NPHS2: variants seen among roughly 807,000 people sequenced by gnomAD.
The protein encoded by NPHS2 is NPHS2 stomatin family member, podocin.
NPHS2 carries 36 observed loss-of-function variants against 37.1 expected under a neutral mutation model. That is an observed-to-expected ratio of 0.97 (90% CI 0.74 to 1.28). The LOEUF is 1.28. Among genes scored for constraint, NPHS2 ranks in the 50% most tolerant of loss-of-function variants. The pLI, the probability that NPHS2 is intolerant of heterozygous loss-of-function variation, is 0.00. For synonymous variants in NPHS2, 196 were observed against 189.3 expected (o/e 1.04, Z -0.29); for missense variants, 447 against 488.1 (o/e 0.92, Z 0.79).
At chr1:179,564,043 C>G (rs1674246178) in intron 2 of NPHS2, among the ~76,000 whole-genome samples, 1 of 152,242 alleles carries the variant, frequency 6.6e-6, no homozygotes, top group South Asian at 2.1e-4. Context: ...CTGGCCAATG[C>G]TTTCTCAGAG....
chr1:179,568,537 T>G (rs929285634), intron 1 of NPHS2, among the ~76,000 whole-genome samples: 2 of 152,212 alleles, frequency 1.3e-5, no homozygotes, highest in Non-Finnish European at 2.9e-5. Flanking sequence ...GGTTTTTTTC[T>G]GTCTCTATCT....
At chr1:179,564,191 A>G (rs4652415) in intron 2 of NPHS2, among the ~76,000 whole-genome samples, 151,988 of 152,354 alleles carry the variant, frequency 1, 75,816 homozygotes, top group Middle Eastern at 1. Context: ...CACAGGCAAT[A>G]TCTCCCAATA....
At chr1:179,571,005 G>A (rs112367886) in intron 1 of NPHS2, among the ~76,000 whole-genome samples, 51 of 152,216 alleles carry the variant, frequency 3.4e-4, no homozygotes, top group African/African-American at 9.1e-4. Flanking sequence ...CGATGGGTTC[G>A]AACATCCTCC....
chr1:179,562,298 A>C (rs1223698095), intron 2 of NPHS2, among the ~76,000 whole-genome samples: 1 of 152,220 alleles, frequency 6.6e-6, no homozygotes, highest in Non-Finnish European at 1.5e-5. Context: ...TCAGAATCTG[A>C]GTTCAATTGC....
intron 2 of NPHS2, among the ~76,000 whole-genome samples, chr1:179,562,087 G>A (rs573477128): frequency 5.3e-5 from 8 of 152,274 alleles, no homozygotes; most frequent in Admixed American, 1.3e-4. Flanking sequence ...GATTACAGGC[G>A]TGAGCCACCG....
At position 179,575,706 on chromosome 1, in the gene NPHS2, G is replaced by C. The variant is rs1436624811; in HGVS notation, c.159C>G (p.Thr53=). Residue 53 remains threonine, a synonymous_variant, in exon 1 of 8, where the codon ACC becomes ACG. Transcript: ENST00000367615. The part of the protein sequence containing the change: ...PEPSGSGRAG[T]PGEPRAPAAT... Reference sequence around the variant, plus strand: ...CGGCGGGCGCTCGGGGCTCCCCCGGGGTCCCCGCCCGTCCGGAGCCCGACG... The same window carrying C: ...CGGCGGGCGCTCGGGGCTCCCCCGGCGTCCCCGCCCGTCCGGAGCCCGACG... 1 of 1,570,096 alleles carries C rather than the reference G, an allele frequency of 6.4e-7. No homozygotes were observed. The highest frequency in any genetic ancestry group is 8.6e-7 in the Non-Finnish European group (1 of 1,163,518).
intron 7 of NPHS2, 122 bp from the exon 8 acceptor site, chr1:179,551,573 T>G (rs1673290738): frequency 1.8e-6 from 2 of 1,107,510 alleles, no homozygotes. Context: ...CGGTTAAGCA[T>G]AGAACATGTT....
chr1:179,575,532 A>G (rs1052607271), intron 1 of NPHS2, 59 bp downstream of exon 1: 9 of 1,595,302 alleles, frequency 5.6e-6, no homozygotes, highest in African/African-American at 2.7e-5. Context: ...TTTCCACCTT[A>G]TCTGACGCCC....
rs922034157 is a variant in NPHS2, at chr1:179,561,445, T to A, written c.379-84A>T. 22 of 1,069,838 alleles carry A rather than the reference T, an allele frequency of 2.1e-5. No individual in the cohort carries two copies. In the Admixed American group the frequency reaches 4.7e-4, roughly 23 times the overall value. The allele number at this position is 1,069,838 out of a possible 1,614,324, so 66.3% of individuals were successfully genotyped here. ...CTTGGCATAAGAATGATCCTAGATA[T>A]CAGAAATTTTTTGTTTTGAGAACCA... On this transcript the variant is annotated intron_variant, in intron 2 of 7. Coordinates refer to ENST00000367615, the MANE Select transcript of NPHS2 (RefSeq NM_014625.4).
At chr1:179,564,643 G>A in intron 2 of NPHS2, 47 bp downstream of exon 2, 1 of 1,478,852 alleles carries the variant, frequency 6.8e-7, no homozygotes, top group Non-Finnish European at 9.5e-7. Flanking sequence ...GGTGTGGCCA[G>A]TGAGAGGCCT....
At chr1:179,572,336 G>A (rs367699776) in intron 1 of NPHS2, among the ~76,000 whole-genome samples, 1 of 152,064 alleles carries the variant, frequency 6.6e-6, no homozygotes, top group African/African-American at 2.4e-5. Context: ...GATCTCAATA[G>A]TCTTTGAAAA....
At position 179,572,689 on chromosome 1, in the gene NPHS2, C is replaced by T. The variant is rs147045574; in HGVS notation, c.274+2902G>A. Among the ~76,000 whole-genome samples the T allele has an allele frequency of 2.6e-5, 4 of 152,274 alleles. No homozygotes were observed. The East Asian group carries it at 5.8e-4, about 22-fold the overall frequency. The stretch of plus-strand genomic sequence containing the variant: ...ATATTATTTGCCAGTTTAAAAAGAT[C>T]GTAGAGGACTAGAAGGTGACTAAAA... On this transcript the variant is annotated intron_variant, in intron 1 of 7. Coordinates refer to ENST00000367615, the MANE Select transcript of NPHS2 (RefSeq NM_014625.4).
intron 1 of NPHS2, among the ~76,000 whole-genome samples, chr1:179,572,648 A>G (rs2101883272): frequency 6.6e-6 from 1 of 152,370 alleles, no homozygotes; most frequent in Non-Finnish European, 1.5e-5. Context: ...CAGGTACTAG[A>G]AAACTTACTA....
At position 179,557,070 on chromosome 1, in the gene NPHS2, G is replaced by A. The variant is rs774199987; in HGVS notation, c.695C>T (p.Thr232Ile). The A allele has an allele frequency of 9.9e-6, 16 of 1,613,912 alleles. No homozygotes were observed. The highest frequency in any genetic ancestry group is 3.3e-4 in the Middle Eastern group (2 of 6,082). ...GCTCTTCCTCTCTAGAAGAATTTCA[G>A]TGAGGGATCGATGTGCTAGGAGACG... is the stretch of plus-strand genomic sequence containing the variant. Reference protein sequence around the residue: ...MKRLLAHRSLTEILLERKSIA... With the variant: ...MKRLLAHRSLIEILLERKSIA... Residue 232 changes from threonine to isoleucine, a missense_variant, in exon 5 of 8, where the codon ACT (threonine) becomes ATT (isoleucine). Thr to Ile is a moderately conservative substitution (Grantham distance 89). Coordinates refer to ENST00000367615, the MANE Select transcript of NPHS2 (RefSeq NM_014625.4).
intron 1 of NPHS2, among the ~76,000 whole-genome samples, chr1:179,574,106 C>G (rs1309547394): frequency 6.6e-6 from 1 of 152,174 alleles, no homozygotes; most frequent in East Asian, 1.9e-4. Context: ...GCAAAGGTCA[C>G]TTCATCCTTA....
intron 7 of NPHS2, chr1:179,551,655 C>T (rs868414716): frequency 2.3e-5 from 14 of 596,092 alleles, no homozygotes; most frequent in South Asian, 4.1e-5. Flanking sequence ...AGGTGGAATG[C>T]GTTAGGAGCC....
intron 5 of NPHS2, chr1:179,554,752 G>A: frequency 1.6e-6 from 1 of 620,476 alleles, no homozygotes; most frequent in Non-Finnish European, 2.9e-6. Context: ...GTGGTATGCT[G>A]AATAATGGTC....
At chr1:179,552,709 G>A (rs1170673493) in intron 6 of NPHS2, 28 bp from the exon 7 acceptor site, 2 of 1,580,654 alleles carry the variant, frequency 1.3e-6, no homozygotes, top group South Asian at 1.1e-5. Flanking sequence ...CAGGTATGTA[G>A]GTGTGCAGCC....
At chr1:179,574,615 A>G (rs1674684412) in intron 1 of NPHS2, among the ~76,000 whole-genome samples, 1 of 152,250 alleles carries the variant, frequency 6.6e-6, no homozygotes, top group Admixed American at 6.5e-5. Context: ...TTATACCCCA[A>G]CTGCAGAAAT....
Sources: gnomAD v4.1 joint callset for allele counts (sites outside exome capture counted in the v4.1 genomes callset) on GRCh38, gnomAD v4.1.1 for gene constraint, MANE v1.5 for transcripts, NCBI Gene and HGNC (gene_info 2026-07-23, HGNC 2026-07-21) for gene names.